Variants in PHACTR2 observed in about 807,000 individuals in gnomAD.
PHACTR2 encodes the protein phosphatase and actin regulator 2.
Under a neutral mutation model 76.0 loss-of-function variants are expected in PHACTR2, and 30 were observed. The observed-to-expected ratio is 0.39, with a 90% CI of 0.30 to 0.54. The LOEUF (loss-of-function observed/expected upper bound fraction) is 0.54, where lower values mean the gene tolerates loss of function less well. PHACTR2 is among the 20% of genes least tolerant of loss of function. PHACTR2 has a pLI of 0.61. For missense variants in PHACTR2, 696 were observed against 781.1 expected, an observed-to-expected ratio of 0.89 and a Z score of 1.30; for synonymous variants, 292 against 292.5, an observed-to-expected ratio of 1.00 and a Z score of 0.02.
intron 1 of PHACTR2, among the ~76,000 whole-genome samples, chr6:143,670,137 T>C (rs1476835850): frequency 6.6e-6 from 1 of 152,228 alleles, no homozygotes; most frequent in Non-Finnish European, 1.5e-5. Context: ...AAATTCTGGG[T>C]TGAAAATTCT....
Position 143,733,560 on chromosome 6 carries a change from T to C in PHACTR2, c.215-15425T>C, listed in dbSNP as rs895279959. Among the ~76,000 whole-genome samples, 1 of 152,178 alleles carries C rather than the reference T, an allele frequency of 6.6e-6. No individual in the cohort carries two copies. Among genetic ancestry groups the C allele is most frequent in the Non-Finnish European group, 1.5e-5 (1 of 68,024 alleles). ...TGACTGCTTGTTTTCAATCCTTCTTTAGTGTTCATACCACTGAGAGTTGCT... is the reference window on the plus strand; with the variant it reads ...TGACTGCTTGTTTTCAATCCTTCTTCAGTGTTCATACCACTGAGAGTTGCT... On this transcript the variant is annotated intron_variant, in intron 2 of 12. Transcript: ENST00000440869. This position sits in a 1 kb window ranked among gnomAD's most constrained non-coding sequence, Gnocchi z 4.0.
At chr6:143,686,478 A>ATTTT (rs1582770831) in intron 1 of PHACTR2, among the ~76,000 whole-genome samples, 2 of 110,798 alleles carry the variant, frequency 1.8e-5, no homozygotes, top group South Asian at 3.2e-4. Context: ...GAGGAACTTC[A>ATTTT]TTCTTTTTTT....
rs997523259 is a variant in PHACTR2, at chr6:143,757,805, T to C, written c.455-2596T>C. Among the ~76,000 whole-genome samples, 1 of 152,234 alleles carries C rather than the reference T, an allele frequency of 6.6e-6. No individual in the cohort carries two copies. The highest frequency in any genetic ancestry group is 6.5e-5 in the Admixed American group (1 of 15,294). ...TACTGATGTGTGTGTCAATAACTAT[T>C]AGACAGTCAGTCCCATTCGTTGAAT... On this transcript the variant is annotated intron_variant, in intron 4 of 12. Transcript: ENST00000440869. The surrounding 1 kb of genome is among the most constrained non-coding windows in gnomAD (Gnocchi z 4.2).
upstream of PHACTR2, among the ~76,000 whole-genome samples, chr6:143,677,222 A>T (rs1222056479): frequency 6.6e-6 from 1 of 152,100 alleles, no homozygotes; most frequent in Non-Finnish European, 1.5e-5. Flanking sequence ...ATATACACAC[A>T]TTATATATAT....
intron 2 of PHACTR2, among the ~76,000 whole-genome samples, chr6:143,734,315 A>C (rs1253378111): frequency 6.7e-6 from 1 of 149,298 alleles, no homozygotes; most frequent in African/African-American, 2.6e-5. Context: ...AAACCATGAA[A>C]TCTTTTTTTC....
rs1043632871 is a variant in PHACTR2, at chr6:143,662,455, A to G, written c.14-49561A>G. Among the ~76,000 whole-genome samples, 1 of 152,212 alleles carries G rather than the reference A, an allele frequency of 6.6e-6. No homozygotes were observed. Among genetic ancestry groups the G allele is most frequent in the Admixed American group, 6.5e-5 (1 of 15,280 alleles). Reference sequence around the variant, plus strand: ...GTTTTAAAGATATCATTGTACTACAAATAAAAAATATTACAGATATCTATT... The same window carrying G: ...GTTTTAAAGATATCATTGTACTACAGATAAAAAATATTACAGATATCTATT... On this transcript the variant is annotated intron_variant, in intron 1 of 11. Coordinates refer to the PHACTR2 transcript ENST00000305766. The surrounding 1 kb of genome is among the most constrained non-coding windows in gnomAD (Gnocchi z 4.7).
chr6:143,678,158 C>T lies in PHACTR2; in HGVS notation c.-6C>T, dbSNP rs1395458839. The T allele has an allele frequency of 1.3e-6, 2 of 1,545,096 alleles. No homozygotes were observed. Among genetic ancestry groups the T allele is most frequent in the Admixed American group, 2.0e-5 (1 of 50,838 alleles). Reference sequence around the variant, plus strand: ...GATCGCTGGACCTGGCCCTGCGACCCCAGTCATGGGCCAGACCTCGGTGTC... The same window carrying T: ...GATCGCTGGACCTGGCCCTGCGACCTCAGTCATGGGCCAGACCTCGGTGTC... On this transcript the variant is annotated 5_prime_UTR_variant, in exon 1 of 13. Coordinates refer to ENST00000440869, the MANE Select transcript of PHACTR2 (RefSeq NM_001100164.2). This position sits in a 1 kb window ranked among gnomAD's most constrained non-coding sequence, Gnocchi z 6.2.
In PHACTR2 at chr6:143,653,966, A is replaced by G. The variant is rs1472627505; in HGVS notation, c.13+45644A>G. On this transcript the variant is annotated intron_variant, in intron 1 of 11. Transcript: ENST00000305766. This position sits in a 1 kb window ranked among gnomAD's most constrained non-coding sequence, Gnocchi z 4.9. ...TGGGAGGAAAGTTTTGTAATGTTGT[A>G]TCTGAAAAGGGAAGTATCTATATAG... 1.3e-5 allele frequency among the ~76,000 whole-genome samples: 2 copies of G among 152,240 alleles called. No individual in the cohort carries two copies. The highest frequency in any genetic ancestry group is 2.1e-4 in the South Asian group (1 of 4,836).
intron 1 of PHACTR2, among the ~76,000 whole-genome samples, chr6:143,632,028 T>C (rs900568385): frequency 5.3e-5 from 8 of 152,204 alleles, no homozygotes; most frequent in African/African-American, 1.9e-4. Flanking sequence ...GATCAGCCCT[T>C]GGAACAGGGA....
chr6:143,594,458 G>A (rs1176264497), intron 1 of PHACTR2, among the ~76,000 whole-genome samples: 6 of 152,226 alleles, frequency 3.9e-5, no homozygotes, highest in Admixed American at 2.6e-4. Flanking sequence ...ATTTGTTCAA[G>A]AAAATAGTGT....
rs1168607181 is a variant in PHACTR2, at chr6:143,801,094, T to A, written c.1846-5963T>A. Among the ~76,000 whole-genome samples, 2 of 152,180 alleles carry A rather than the reference T, an allele frequency of 1.3e-5. No individual in the cohort carries two copies. Among genetic ancestry groups the A allele is most frequent in the Non-Finnish European group, 2.9e-5 (2 of 68,030 alleles). On this transcript the variant is annotated intron_variant, in intron 11 of 12. Transcript: ENST00000440869. This position sits in a 1 kb window ranked among gnomAD's most constrained non-coding sequence, Gnocchi z 4.6. Reference sequence around the variant, plus strand: ...TTAGTCTGATGGCTTCCCTTTGTGGTTAACCCAACCTTTCTCTCTGGCTGC... The same window carrying A: ...TTAGTCTGATGGCTTCCCTTTGTGGATAACCCAACCTTTCTCTCTGGCTGC...
intron 6 of PHACTR2, among the ~76,000 whole-genome samples, chr6:143,766,601 G>A (rs911057681): frequency 6.6e-6 from 1 of 152,220 alleles, no homozygotes; most frequent in African/African-American, 2.4e-5. Context: ...TAGTGCTCAA[G>A]TAGTCTTAGT....
In PHACTR2 at chr6:143,570,350, A is replaced by T. The variant is rs1775433257; in HGVS notation, c.217+33143A>T. On this transcript the variant is annotated intron_variant, in intron 1 of 11. Transcript: ENST00000367584. This position sits in a 1 kb window ranked among gnomAD's most constrained non-coding sequence, Gnocchi z 4.6. ...CCTAATCACAAATGTCTTTGTACTC[A>T]CAGTCATCTTATGCAGGGTTTGTAC... is the stretch of plus-strand genomic sequence containing the variant. Among the ~76,000 whole-genome samples, 1 of 152,192 alleles carries T rather than the reference A, an allele frequency of 6.6e-6. No homozygotes were observed. The highest frequency in any genetic ancestry group is 2.4e-5 in the African/African-American group (1 of 41,432).
At chr6:143,560,749 C>T (rs962454257) in intron 1 of PHACTR2, among the ~76,000 whole-genome samples, 2 of 152,006 alleles carry the variant, frequency 1.3e-5, no homozygotes, top group African/African-American at 4.8e-5. Flanking sequence ...TAGGTGCTCG[C>T]TGGGGAGGGA....
chr6:143,813,617 C>CAAAA (rs373797909), intron 12 of PHACTR2, among the ~76,000 whole-genome samples: 19 of 63,092 alleles, frequency 3.0e-4, no homozygotes, highest in African/African-American at 7.2e-4. Flanking sequence ...GACTCCGCCT[C>CAAAA]AAAAAAAAAA....
Position 143,546,357 on chromosome 6 carries a change from TAAAAAA to T in PHACTR2, c.217+9160_217+9165del, listed in dbSNP as rs57905621. ...TCGTAACAGGAAGAAACTTGTGACT[TAAAAAA>T]AAAAAAAAACATGTTATCTCTCTCT... On this transcript the variant is annotated intron_variant, in intron 1 of 11. Transcript: ENST00000367584. This position sits in a 1 kb window ranked among gnomAD's most constrained non-coding sequence, Gnocchi z 4.9. Among the ~76,000 whole-genome samples the T allele has an allele frequency of 7.0e-6, 1 of 143,218 alleles. No homozygotes were observed. The highest frequency in any genetic ancestry group is 2.6e-5 in the African/African-American group (1 of 38,664). 94.0% of individuals were successfully genotyped at this position (143,218 alleles called of 152,430 possible).
rs1778464648 is a variant in PHACTR2 at position 143,722,467 on chromosome 6, T to TC, written c.214+10285dup. ...GCATCTTCTTGGCATGTCATTTTTT[T>TC]CTTAAATTTTTTTATTTTTAATGAA... On this transcript the variant is annotated intron_variant, in intron 2 of 12. Transcript: ENST00000440869. This position sits in a 1 kb window ranked among gnomAD's most constrained non-coding sequence, Gnocchi z 4.1. 6.6e-6 allele frequency among the ~76,000 whole-genome samples: 1 copy of TC among 152,206 alleles called. No homozygotes were observed. Among genetic ancestry groups the TC allele is most frequent in the Admixed American group, 6.5e-5 (1 of 15,280 alleles).
intron 2 of PHACTR2, among the ~76,000 whole-genome samples, chr6:143,728,348 A>T (rs1237867571): frequency 6.6e-6 from 1 of 150,646 alleles, no homozygotes; most frequent in Admixed American, 6.6e-5. Context: ...AGTAGCTGGG[A>T]CTACAGGCGC....
rs1562680039 is a variant in PHACTR2 at position 143,546,869 on chromosome 6, A to AAT, written c.217+9663_217+9664insTA. Among the ~76,000 whole-genome samples, 10 of 149,080 alleles carry AAT rather than the reference A, an allele frequency of 6.7e-5. No individual in the cohort carries two copies. Among genetic ancestry groups the AAT allele is most frequent in the African/African-American group, 2.5e-4 (10 of 40,236 alleles). On this transcript the variant is annotated intron_variant, in intron 1 of 11. Coordinates refer to the PHACTR2 transcript ENST00000367584. This position sits in a 1 kb window ranked among gnomAD's most constrained non-coding sequence, Gnocchi z 4.9. ...AGTGAGACCCCATCTCAAAAAAAAA[A>AAT]AAAATAAAAAATAAAAAATTAGCCA...
Sources: allele counts gnomAD v4.1 joint callset (sites outside exome capture counted in the v4.1 genomes callset), GRCh38; gene constraint gnomAD v4.1.1; non-coding constraint Gnocchi (gnomAD v3.1); transcripts MANE v1.5; gene names NCBI Gene and HGNC (gene_info 2026-07-23, HGNC 2026-07-21).